Variants in DZIP1L observed in about 807,000 individuals in gnomAD.
DZIP1L encodes the protein cilium assembly protein DZIP1L.
DZIP1L carries 90 observed loss-of-function variants against 88.7 expected under a neutral mutation model. The observed-to-expected ratio is 1.02, with a 90% confidence interval of 0.86 to 1.21. The LOEUF (loss-of-function observed/expected upper bound fraction) is 1.21. DZIP1L is among the 50% of genes most tolerant of loss of function. DZIP1L has a pLI of 0.00. For synonymous variants in DZIP1L, 363 were observed against 372.1 expected (o/e 0.98, Z 0.28); for missense variants, 932 against 955.8 (o/e 0.98, Z 0.33).
At chr3:138,106,598 C>A (rs2042497622) in intron 1 of DZIP1L, among the ~76,000 whole-genome samples, 1 of 151,702 alleles carries the variant, frequency 6.6e-6, no homozygotes, top group Non-Finnish European at 1.5e-5. Context: ...CTCTGGGAGG[C>A]CAAGGTGGGT....
At chr3:138,077,231 G>C (rs949590982) in intron 11 of DZIP1L, among the ~76,000 whole-genome samples, 2 of 152,188 alleles carry the variant, frequency 1.3e-5, no homozygotes, top group Non-Finnish European at 2.9e-5. Context: ...AGTAACCAAT[G>C]AGTGGAGAAC....
At chr3:138,115,155 C>T (rs1374214999) in intron 1 of DZIP1L, among the ~76,000 whole-genome samples, 173 bp downstream of exon 1, 2 of 152,078 alleles carry the variant, frequency 1.3e-5, no homozygotes, top group Non-Finnish European at 2.9e-5. Flanking sequence ...CCCTGGGCAG[C>T]GCGGACGCAC....
chr3:138,093,123 A>C (rs901017360), intron 4 of DZIP1L, among the ~76,000 whole-genome samples: 1 of 152,212 alleles, frequency 6.6e-6, no homozygotes, highest in East Asian at 1.9e-4. Context: ...TACAAAATGT[A>C]TTTCTTAAAT....
chr3:138,068,463 A>G, intron 12 of DZIP1L, 96 bp from the exon 13 acceptor site: 1 of 880,686 alleles, frequency 1.1e-6, no homozygotes, highest in Non-Finnish European at 1.6e-6. Flanking sequence ...CTGGAAATGA[A>G]CAATTACTCC....
chr3:138,099,618 G>T (rs1944633590), intron 2 of DZIP1L, among the ~76,000 whole-genome samples: 1 of 152,164 alleles, frequency 6.6e-6, no homozygotes. Context: ...CCAGTGGGAG[G>T]TATCTGGGTC....
intron 9 of DZIP1L, 97 bp from the exon 10 acceptor site, chr3:138,080,717 G>A (rs1446497643): frequency 1.6e-6 from 2 of 1,284,272 alleles, no homozygotes; most frequent in Admixed American, 4.0e-5. Flanking sequence ...GAGCCAGAAA[G>A]AGAAAACCCT....
chr3:138,108,564 C>G (rs2042558831), intron 1 of DZIP1L, among the ~76,000 whole-genome samples: 2 of 152,064 alleles, frequency 1.3e-5, no homozygotes, highest in Non-Finnish European at 2.9e-5. Context: ...TGCTATCCAC[C>G]TGCAACCCAT....
intron 9 of DZIP1L, 108 bp downstream of exon 9, chr3:138,081,626 T>C: frequency 8.6e-7 from 1 of 1,158,972 alleles, no homozygotes; most frequent in Non-Finnish European, 1.2e-6. Flanking sequence ...CACAGGCTGC[T>C]GTCACCAATC....
intron 11 of DZIP1L, among the ~76,000 whole-genome samples, chr3:138,072,529 T>C (rs1943228440): frequency 6.6e-6 from 1 of 152,216 alleles, no homozygotes; most frequent in Non-Finnish European, 1.5e-5. Context: ...ACAAACAGCA[T>C]TCCAATAGTG....
chr3:138,078,964 A>C (rs1294141066), intron 10 of DZIP1L, among the ~76,000 whole-genome samples: 1 of 152,236 alleles, frequency 6.6e-6, no homozygotes, highest in African/African-American at 2.4e-5. Context: ...AGTGGTTCTC[A>C]AACTTGAGCA....
rs1452958319 is a variant in DZIP1L at position 138,091,688 on chromosome 3, GAAGGAAGGA to G, written c.870+686_870+694del. Among the ~76,000 whole-genome samples the G allele has an allele frequency of 1.9e-4, 6 of 31,254 alleles. 1 individual carries two copies. Among genetic ancestry groups the G allele is most frequent in the Admixed American group, 1.4e-3 (3 of 2,184 alleles). 20.5% of individuals were successfully genotyped at this position (31,254 alleles called of 152,430 possible). On this transcript the variant is annotated intron_variant, in intron 5 of 15. Transcript: ENST00000327532. The stretch of plus-strand genomic sequence containing the variant: ...GGGAGGGAGAGAGGGAGGGAGGAAG[GAAGGAAGGA>G]GAGGGAGAGAGAAAGAGAGAGAGAA...
At chr3:138,075,000 G>A (rs547165895) in intron 11 of DZIP1L, among the ~76,000 whole-genome samples, 16 of 152,258 alleles carry the variant, frequency 1.1e-4, no homozygotes, top group Non-Finnish European at 2.2e-4. Flanking sequence ...AGCAGGAGTA[G>A]CTATTCTTAT....
At chr3:138,096,808 T>C (rs186803383) in intron 3 of DZIP1L, among the ~76,000 whole-genome samples, 62 of 151,448 alleles carry the variant, frequency 4.1e-4, no homozygotes, top group African/African-American at 1.5e-3. Context: ...TGATGGAAAA[T>C]AGGAGGAAAA....
intron 11 of DZIP1L, among the ~76,000 whole-genome samples, chr3:138,072,045 C>A (rs1943206116): frequency 6.6e-6 from 1 of 152,154 alleles, no homozygotes; most frequent in Admixed American, 6.5e-5. Context: ...GGTTTGGGAG[C>A]CCCATCAAAA....
intron 6 of DZIP1L, 25 bp from the exon 7 acceptor site, chr3:138,087,048 A>T (rs531690827): frequency 6.2e-7 from 1 of 1,612,332 alleles, no homozygotes; most frequent in African/African-American, 1.3e-5. Flanking sequence ...AAGCTTATCA[A>T]ATGGGCCCTT....
At chr3:138,089,571 C>T (rs1280716602) in intron 5 of DZIP1L, among the ~76,000 whole-genome samples, 1 of 152,124 alleles carries the variant, frequency 6.6e-6, no homozygotes, top group Non-Finnish European at 1.5e-5. Context: ...TTTTCATTGG[C>T]CTTCCTAACA....
intron 5 of DZIP1L, among the ~76,000 whole-genome samples, chr3:138,091,044 C>G (rs539440690): frequency 6.6e-6 from 1 of 151,796 alleles, no homozygotes; most frequent in Non-Finnish European, 1.5e-5. Flanking sequence ...CCACCACACC[C>G]AGCTAATTTT....
At chr3:138,089,240 G>C in intron 5 of DZIP1L, 2 of 985,352 alleles carry the variant, frequency 2.0e-6, no homozygotes, top group Non-Finnish European at 2.4e-6. Context: ...AACAATACTG[G>C]TTCCAAAGGT....
chr3:138,073,329 C>A (rs1307348584), intron 11 of DZIP1L, among the ~76,000 whole-genome samples: 1 of 152,204 alleles, frequency 6.6e-6, no homozygotes, highest in Non-Finnish European at 1.5e-5. Flanking sequence ...TCCCCTACTA[C>A]CTCCACTGGA....
Sources: allele counts gnomAD v4.1 joint callset (sites outside exome capture counted in the v4.1 genomes callset), GRCh38; gene constraint gnomAD v4.1.1; transcripts MANE v1.5; gene names NCBI Gene and HGNC (gene_info 2026-07-23, HGNC 2026-07-21).